The following ZSWIM5 variants were observed in gnomAD, a reference collection of about 807,000 sequenced individuals.
ZSWIM5 encodes zinc finger SWIM-type containing 5, also known as zinc finger SWIM domain-containing protein 5.
Under a neutral mutation model 119.6 loss-of-function variants are expected in ZSWIM5, and 55 were observed. The observed-to-expected ratio is 0.46, with a 90% CI of 0.37 to 0.58. ZSWIM5 has a LOEUF of 0.58. Ranked by LOEUF, ZSWIM5 falls within the 20% of genes least tolerant of loss-of-function variation. ZSWIM5 has a pLI of 0.00. For missense variants in ZSWIM5, 1,193 were observed against 1,512.8 expected (o/e 0.79, Z 3.51); for synonymous variants, 537 against 606.9 (o/e 0.88, Z 1.69).
chr1:45,189,294 AACAG>A lies in ZSWIM5; in HGVS notation c.595+16458_595+16461del, dbSNP rs765138525. On this transcript the variant is annotated intron_variant, in intron 1 of 13. Coordinates refer to ENST00000359600, the MANE Select transcript of ZSWIM5 (RefSeq NM_020883.2). ...CATGCCACTGCACTCTAGCCTGGTC[AACAG>A]ACAGAGACTCTGTCTCAAAGAAAAT... Among the ~76,000 whole-genome samples, 11 of 152,016 alleles carry A rather than the reference AACAG, an allele frequency of 7.2e-5. No homozygotes were observed. In the East Asian group the frequency reaches 1.5e-3, roughly 21 times the overall value.
rs143255408 is a variant in ZSWIM5 at position 45,070,671 on chromosome 1, T to C, written c.953-10424A>G. The stretch of plus-strand genomic sequence containing the variant: ...GTATTTCCCCCAAATTGTCTTTCCA[T>C]GTTTGTTAGTTCTATCTTCCACAGT... On this transcript the variant is annotated intron_variant, in intron 2 of 13. Coordinates refer to ENST00000359600, the MANE Select transcript of ZSWIM5 (RefSeq NM_020883.2). Among the ~76,000 whole-genome samples the C allele has an allele frequency of 2.3e-3, 351 of 152,354 alleles. 2 individuals are homozygous for C. The highest frequency in any genetic ancestry group is 2.9e-3 in the Non-Finnish European group (197 of 68,028).
At chr1:45,142,969 G>C (rs1466562167) in intron 1 of ZSWIM5, among the ~76,000 whole-genome samples, 1 of 149,586 alleles carries the variant, frequency 6.7e-6, no homozygotes, top group Non-Finnish European at 1.5e-5. Flanking sequence ...CCAGGAGTTT[G>C]AGACTAGCCT....
At chr1:45,033,835 A>C (rs988828950) in intron 11 of ZSWIM5, among the ~76,000 whole-genome samples, 1 of 151,886 alleles carries the variant, frequency 6.6e-6, no homozygotes, top group Non-Finnish European at 1.5e-5. Flanking sequence ...ACAATTAGTA[A>C]CTAGGGTAAA....
At chr1:45,021,271 T>G (rs1181937630) in intron 11 of ZSWIM5, among the ~76,000 whole-genome samples, 2 of 152,172 alleles carry the variant, frequency 1.3e-5, no homozygotes, top group African/African-American at 2.4e-5. Context: ...TCTGACCCTA[T>G]GATCTACTGC....
At chr1:45,117,400 C>T (rs1450244536) in intron 1 of ZSWIM5, among the ~76,000 whole-genome samples, 1 of 152,204 alleles carries the variant, frequency 6.6e-6, no homozygotes, top group African/African-American at 2.4e-5. Flanking sequence ...GGAGGCCGGT[C>T]ACAGTGGCTC....
intron 1 of ZSWIM5, among the ~76,000 whole-genome samples, chr1:45,185,051 G>T (rs1299544403): frequency 1.3e-5 from 2 of 151,804 alleles, no homozygotes; most frequent in East Asian, 3.9e-4. Context: ...CCAAAACAGA[G>T]ATATAGATCA....
rs55717021 is a variant in ZSWIM5, at chr1:45,038,604, CT to C, written c.1894+331del. Among the ~76,000 whole-genome samples, 37 of 48,506 alleles carry C rather than the reference CT, an allele frequency of 7.6e-4. 2 individuals carry two copies. The highest frequency in any genetic ancestry group is 1.2e-3 in the South Asian group (1 of 808). The allele number at this position is 48,506 out of a possible 152,430, so 31.8% of individuals were successfully genotyped here. ...GGAGAAAAGGGCTGACGAGGGCAGT[CT>C]TTTTTTTTTTTTTTTTAATGAAACA... On this transcript the variant is annotated intron_variant, in intron 8 of 13. Transcript: ENST00000359600.
chr1:45,045,060 GTCTTA>G (rs10555855), intron 5 of ZSWIM5, among the ~76,000 whole-genome samples: 140,455 of 150,004 alleles, frequency 0.94, 65,795 homozygotes, highest in Middle Eastern at 0.99. Flanking sequence ...TCTCACTGGA[GTCTTA>G]TCTTACCATG....
intron 11 of ZSWIM5, among the ~76,000 whole-genome samples, chr1:45,032,869 C>T (rs1321206142): frequency 6.6e-6 from 1 of 151,338 alleles, no homozygotes; most frequent in East Asian, 1.9e-4. Context: ...AATGAGAAAT[C>T]TGTTCCCATA....
At chr1:45,028,153 T>A (rs558811238) in intron 11 of ZSWIM5, among the ~76,000 whole-genome samples, 2 of 152,350 alleles carry the variant, frequency 1.3e-5, no homozygotes, top group South Asian at 4.1e-4. Context: ...GCCTGGCTGC[T>A]CTTTTCACTT....
chr1:45,059,088 G>T (rs944415700), intron 3 of ZSWIM5, among the ~76,000 whole-genome samples: 9 of 152,140 alleles, frequency 5.9e-5, no homozygotes, highest in African/African-American at 2.2e-4. Context: ...AAACAGACTG[G>T]CAGTTCTTCA....
At chr1:45,182,840 A>C (rs1315035504) in intron 1 of ZSWIM5, among the ~76,000 whole-genome samples, 1 of 152,112 alleles carries the variant, frequency 6.6e-6, no homozygotes, top group Non-Finnish European at 1.5e-5. Flanking sequence ...ACAGATCAAC[A>C]AGACAGAAAG....
intron 6 of ZSWIM5, among the ~76,000 whole-genome samples, 180 bp downstream of exon 6, chr1:45,043,039 C>A (rs1248262295): frequency 6.6e-6 from 1 of 152,202 alleles, no homozygotes; most frequent in Non-Finnish European, 1.5e-5. Context: ...TGTATCACAA[C>A]TGAGTATACA....
intron 11 of ZSWIM5, among the ~76,000 whole-genome samples, chr1:45,031,998 A>AT (rs1194710260): frequency 1.9e-4 from 29 of 152,064 alleles, no homozygotes; most frequent in South Asian, 4.1e-4. Flanking sequence ...TTTTCTTGTG[A>AT]TTTTTTTCTT....
At chr1:45,165,142 A>G (rs1645892963) in intron 1 of ZSWIM5, among the ~76,000 whole-genome samples, 3 of 152,162 alleles carry the variant, frequency 2.0e-5, no homozygotes, top group African/African-American at 4.8e-5. Flanking sequence ...CAATCAAACT[A>G]GAACTCAGGA....
At chr1:45,175,247 G>A (rs1404389533) in intron 1 of ZSWIM5, among the ~76,000 whole-genome samples, 1 of 152,086 alleles carries the variant, frequency 6.6e-6, no homozygotes, top group Non-Finnish European at 1.5e-5. Context: ...GTGGAGCCAT[G>A]TTCTTATTGT....
chr1:45,164,596 C>T (rs1377919935), intron 1 of ZSWIM5, among the ~76,000 whole-genome samples: 3 of 152,074 alleles, frequency 2.0e-5, no homozygotes, highest in Admixed American at 2.0e-4. Context: ...CAGAGACACA[C>T]ATAGGCTCAA....
chr1:45,082,818 T>C (rs1193379419), intron 2 of ZSWIM5, among the ~76,000 whole-genome samples: 1 of 152,234 alleles, frequency 6.6e-6, no homozygotes, highest in African/African-American at 2.4e-5. Flanking sequence ...TGTAGGTTTC[T>C]TCAGCACAGT....
At chr1:45,106,418 G>C (rs574702895) in intron 1 of ZSWIM5, among the ~76,000 whole-genome samples, 1 of 144,250 alleles carries the variant, frequency 6.9e-6, no homozygotes, top group African/African-American at 2.6e-5. Flanking sequence ...CTGCCCGGCC[G>C]CCCCATCTGG....
Sources: gnomAD v4.1 joint callset for allele counts (sites outside exome capture counted in the v4.1 genomes callset) on GRCh38, gnomAD v4.1.1 for gene constraint, MANE v1.5 for transcripts, NCBI Gene and HGNC (gene_info 2026-07-23, HGNC 2026-07-21) for gene names.